DBX1: variants seen among roughly 807,000 people sequenced by gnomAD.
The protein encoded by DBX1 is homeobox protein DBX1.
Under a neutral mutation model 20.8 loss-of-function variants are expected in DBX1, and 10 were observed. That is an observed-to-expected ratio of 0.48 (90% confidence interval 0.30 to 0.82). The LOEUF (loss-of-function observed/expected upper bound fraction) is 0.82. Among genes scored for constraint, DBX1 ranks in the 40% least tolerant of loss-of-function variants. DBX1 has a pLI of 0.07. For synonymous variants in DBX1, 241 were observed against 213.9 expected, an observed-to-expected ratio of 1.13 and a Z score of -1.11; for missense variants, 505 against 468.8, an observed-to-expected ratio of 1.08 and a Z score of -0.71.
At chr11:20,159,539 A>G (rs2063677302) in intron 1 of DBX1, among the ~76,000 whole-genome samples, 1 of 152,090 alleles carries the variant, frequency 6.6e-6, no homozygotes, top group African/African-American at 2.4e-5. Flanking sequence ...TCTCCATCCT[A>G]GGCACTAACG....
In DBX1 at chr11:20,160,460, C is replaced by T; in HGVS notation, c.-136G>A. 8.6e-7 allele frequency: 1 copy of T among 1,156,124 alleles called. No homozygotes were observed. Among genetic ancestry groups the T allele is most frequent in the Non-Finnish European group, 1.1e-6 (1 of 872,312 alleles). 71.6% of individuals were successfully genotyped at this position (1,156,124 alleles called of 1,614,324 possible). A position where few individuals can be genotyped will look rare whatever the true frequency, so the allele number is the denominator to read the frequency against. On this transcript the variant is annotated 5_prime_UTR_variant, in exon 1 of 4. Transcript: ENST00000524983. ...TCTCCAAGTAACAATCCCACTTGGG[C>T]GTCTGCGAGTCCTCCGTGGTCCTCT...
chr11:20,159,818 C>G (rs1014771799), intron 1 of DBX1, 140 bp downstream of exon 1: 13 of 1,191,624 alleles, frequency 1.1e-5, no homozygotes, highest in East Asian at 9.9e-5. Context: ...CATTGCCTGA[C>G]GTAGGGTCTC....
Position 20,160,085 on chromosome 11 carries a change from C to A in DBX1, c.240G>T (p.Ser80=), listed in dbSNP as rs2063682263. 1.3e-6 allele frequency: 2 copies of A among 1,563,192 alleles called. No homozygotes were observed. The highest frequency in any genetic ancestry group is 8.7e-7 in the Non-Finnish European group (1 of 1,153,598). ...TGCCGGGACCCGGGGAGCCCAGGTCCGAGGCCCCCGTGTCGGTGAGGGCCG... is the reference window on the plus strand; with the variant it reads ...TGCCGGGACCCGGGGAGCCCAGGTCAGAGGCCCCCGTGTCGGTGAGGGCCG... ...APTALTDTGA[S]DLGSPGPGSR... Residue 80 remains serine (S), a synonymous_variant, in exon 1 of 4, where the codon TCG becomes TCT. Transcript: ENST00000524983.
In DBX1 at chr11:20,160,283, A is replaced by G; in HGVS notation, c.42T>C (p.Pro14=). The change falls in exon 1 of 4, where the codon CCT becomes CCC. Residue 14 remains proline, a synonymous_variant. Transcript: ENST00000524983. ...PGLLAPPAGY[P]SLLRPTPTLT... ...AGGTGGGCGTGGGCCGCAGGAGGCT[A>G]GGGTACCCGGCGGGGGGCGCGAGGA... 6.5e-7 allele frequency: 1 copy of G among 1,535,384 alleles called. No homozygotes were observed. The highest frequency in any genetic ancestry group is 8.8e-7 in the Non-Finnish European group (1 of 1,142,410).
Position 20,157,251 on chromosome 11 carries a change from G to C in DBX1, c.470-12C>G, listed in dbSNP as rs2063664752. On this transcript the variant is annotated splice_polypyrimidine_tract_variant and intron_variant, in intron 2 of 3. Transcript: ENST00000524983. ...CACGCTGGAGGAAGCTGCAGGGTGG[G>C]GGGAGGTGGCGAGTGAGTGGGCGTA... 1 of 1,550,770 alleles carries C rather than the reference G, an allele frequency of 6.4e-7. No homozygotes were observed. Among genetic ancestry groups the C allele is most frequent in the Admixed American group, 1.9e-5 (1 of 52,220 alleles).
intron 2 of DBX1, 51 bp from the exon 3 acceptor site, chr11:20,157,290 C>A: frequency 6.8e-7 from 1 of 1,477,154 alleles, no homozygotes; most frequent in Non-Finnish European, 9.1e-7. Flanking sequence ...CCCCCAGTCC[C>A]AACACGGCTC....
At position 20,156,274 on chromosome 11, in the gene DBX1, G is replaced by A. The variant is rs1400203957; in HGVS notation, c.972C>T (p.Asp324=). 1 of 1,529,042 alleles carries A rather than the reference G, an allele frequency of 6.5e-7. No homozygotes were observed. The highest frequency in any genetic ancestry group is 1.3e-5 in the South Asian group (1 of 76,600). The allele number at this position is 1,529,042 out of a possible 1,614,324, so 94.7% of individuals were successfully genotyped here. Residue 324 remains aspartate, a synonymous_variant, in exon 4 of 4, where the codon GAC becomes GAT. Coordinates refer to ENST00000524983, the MANE Select transcript of DBX1 (RefSeq NM_001029865.4). The surrounding 1 kb of genome is among the most constrained non-coding windows in gnomAD (Gnocchi z 4.8). ...AHSSSPGKPS[D]FSDSEEEEEG... is the part of the protein sequence containing the mutation. ...CCTCTTCCTCCTCGGAATCTGAGAA[G>A]TCCGAAGGTTTCCCGGGACTGCTCG...
In DBX1 at chr11:20,156,439, G is replaced by T; in HGVS notation, c.807C>A (p.Gly269=). 1 of 1,609,030 alleles carries T rather than the reference G, an allele frequency of 6.2e-7. No individual in the cohort carries two copies. Among genetic ancestry groups the T allele is most frequent in the South Asian group, 1.1e-5 (1 of 90,714 alleles). ...CCTCTTCGTTCCCAGGGCCCTTCTG[G>T]CCCACGTCGCTGAGGTCCGGGTGCG... ...LNPHPDLSDV[G]QKGPGNEEEE... Residue 269 remains glycine, a synonymous_variant, in exon 4 of 4, where the codon GGC becomes GGA. Transcript: ENST00000524983. The surrounding 1 kb of genome is among the most constrained non-coding windows in gnomAD (Gnocchi z 4.8).
In DBX1 at chr11:20,156,742, C is replaced by CCCCGCCTCAGCT; in HGVS notation, c.673-181_673-170dup. 2 of 1,104,530 alleles carry CCCCGCCTCAGCT rather than the reference C, an allele frequency of 1.8e-6. No individual in the cohort carries two copies. The highest frequency in any genetic ancestry group is 2.6e-5 in the South Asian group (2 of 77,734). 68.4% of individuals were successfully genotyped at this position (1,104,530 alleles called of 1,614,324 possible). A position where few individuals can be genotyped will look rare whatever the true frequency, so the allele number is the denominator to read the frequency against. On this transcript the variant is annotated intron_variant, in intron 3 of 3. Transcript: ENST00000524983. The surrounding 1 kb of genome is among the most constrained non-coding windows in gnomAD (Gnocchi z 4.8). ...CGGTGGATTCCCGCATTGACTCCGCCCCCGCCTCAGCTCGCGGTTCCGTTT... is the reference window on the plus strand; with the variant it reads ...CGGTGGATTCCCGCATTGACTCCGCCCCCGCCTCAGCTCCCGCCTCAGCTCGCGGTTCCGTTT...
At chr11:20,158,457 G>C (rs2063671583) in intron 2 of DBX1, among the ~76,000 whole-genome samples, 2 of 152,168 alleles carry the variant, frequency 1.3e-5, no homozygotes, top group Admixed American at 1.3e-4. Flanking sequence ...TGAGGTTACA[G>C]GAAGAAAACC....
chr11:20,160,272 C>A lies in DBX1; in HGVS notation c.53G>T (p.Arg18Leu), dbSNP rs1016503265. ...GGGCAGCGTCAAGGTGGGCGTGGGC[C>A]GCAGGAGGCTAGGGTACCCGGCGGG... is the stretch of plus-strand genomic sequence containing the variant. ...APPAGYPSLL[R>L]PTPTLTLPQS... is the part of the protein sequence containing the mutation. Residue 18 changes from arginine to leucine, a missense_variant, in exon 1 of 4, where the codon CGG becomes CTG. By Grantham distance (102) the Arg-to-Leu change is moderately radical. Coordinates refer to ENST00000524983, the MANE Select transcript of DBX1 (RefSeq NM_001029865.4). The A allele has an allele frequency of 4.5e-6, 7 of 1,540,194 alleles. No individual in the cohort carries two copies. The East Asian group carries it at 1.7e-4, about 38-fold the overall frequency.
At chr11:20,159,901 A>G (rs959525364) in intron 1 of DBX1, 57 bp downstream of exon 1, 2 of 1,612,450 alleles carry the variant, frequency 1.2e-6, no homozygotes, top group Admixed American at 1.7e-5. Context: ...TGAGGCCAGG[A>G]TGACTCCGCG....
intron 2 of DBX1, 66 bp from the exon 3 acceptor site, chr11:20,157,305 T>C (rs2063665281): frequency 1.1e-5 from 16 of 1,438,688 alleles, no homozygotes; most frequent in Non-Finnish European, 1.5e-5. Context: ...CGGCTCTCCC[T>C]GGCTTTTTGC....
chr11:20,157,291 A>G (rs1269183334), intron 2 of DBX1, 52 bp from the exon 3 acceptor site: 4 of 1,480,194 alleles, frequency 2.7e-6, no homozygotes, highest in Non-Finnish European at 3.6e-6. Context: ...CCCCAGTCCC[A>G]ACACGGCTCT....
Position 20,157,005 on chromosome 11 carries a change from C to CG in DBX1, c.672+31dup, listed in dbSNP as rs10717537. 6.7e-4 allele frequency: 1,037 copies of CG among 1,544,430 alleles called. 7 individuals carry two copies. The highest frequency in any genetic ancestry group is 3.1e-3 in the African/African-American group (209 of 66,376). The stretch of plus-strand genomic sequence containing the variant: ...GCCGGGGAGGGGTGAAGGGCGGGGG[C>CG]GGGGGGGGTGCTGTGGAGGAAATGC... On this transcript the variant is annotated intron_variant, in intron 3 of 3. Transcript: ENST00000524983.
intron 1 of DBX1, 25 bp downstream of exon 1, chr11:20,159,933 C>T (rs1460547610): frequency 1.2e-6 from 2 of 1,613,926 alleles, no homozygotes; most frequent in Non-Finnish European, 1.7e-6. Context: ...CCTGAATGGG[C>T]CCTTAGGGTT....
Position 20,160,113 on chromosome 11 carries a change from G to T in DBX1, c.212C>A (p.Pro71His). The T allele has an allele frequency of 6.4e-7, 1 of 1,550,984 alleles. No individual in the cohort carries two copies. Among genetic ancestry groups the T allele is most frequent in the Non-Finnish European group, 8.7e-7 (1 of 1,146,736 alleles). ...ASMSPPRQGA[P>H]TALTDTGASD... ...GGCCCCCGTGTCGGTGAGGGCCGTG[G>T]GGGCCCCCTGCCTGGGCGGCGACAT... Residue 71 changes from proline to histidine, a missense_variant, in exon 1 of 4, where the codon CCC (proline) becomes CAC (histidine). Physicochemically the swap from Pro to His is moderately conservative, Grantham distance 77. Coordinates refer to ENST00000524983, the MANE Select transcript of DBX1 (RefSeq NM_001029865.4).
At position 20,159,971 on chromosome 11, in the gene DBX1, C is replaced by G. The variant is rs761019823; in HGVS notation, c.354G>C (p.Ser118=). The G allele has an allele frequency of 5.6e-6, 9 of 1,613,864 alleles. No homozygotes were observed. Among genetic ancestry groups the G allele is most frequent in the Admixed American group, 1.7e-5 (1 of 59,978 alleles). ...GACCTCGCTTACCTGTTCTGGGCCC[C>G]GAGGAGAGGATGGCGTTCACTCCAA... ...LKFGVNAILS[S]GPRTETSPAL... is the part of the protein sequence containing the mutation. The change falls in exon 1 of 4, where the codon TCG becomes TCC. Residue 118 remains serine (S), a synonymous_variant. Transcript: ENST00000524983.
Position 20,159,308 on chromosome 11 carries a change from G to A in DBX1, c.368-16C>T. The A allele has an allele frequency of 3.2e-6, 5 of 1,556,076 alleles. No homozygotes were observed. Among genetic ancestry groups the A allele is most frequent in the Non-Finnish European group, 4.4e-6 (5 of 1,127,438 alleles). ...GGGGATGTTTCTGGTGGGCGATGGA[G>A]GGGGGACAGAAGGAGAGAGGGAGAC... On this transcript the variant is annotated splice_polypyrimidine_tract_variant and intron_variant, in intron 1 of 3. Transcript: ENST00000524983.
Sources: allele counts gnomAD v4.1 joint callset (sites outside exome capture counted in the v4.1 genomes callset), GRCh38; gene constraint gnomAD v4.1.1; non-coding constraint Gnocchi (gnomAD v3.1); transcripts MANE v1.5; gene names NCBI Gene and HGNC (gene_info 2026-07-23, HGNC 2026-07-21).